Variants in SEC16B observed in about 807,000 individuals in gnomAD.
SEC16B encodes the protein protein transport protein Sec16B.
A neutral mutation model predicts 141.8 loss-of-function variants in SEC16B; 115 were observed. The ratio of observed to expected loss-of-function variants is 0.81; its 90% CI spans 0.70 to 0.95. The LOEUF (loss-of-function observed/expected upper bound fraction) is 0.95, where lower values mean the gene tolerates loss of function less well. Ranked by LOEUF, SEC16B falls within the 40% of genes least tolerant of loss-of-function variation. The probability of loss-of-function intolerance (pLI) is 0.00; values close to 1 mark genes in which losing one functional copy is unlikely to be tolerated. For synonymous variants in SEC16B, 493 were observed against 492.5 expected (o/e 1.00, Z -0.01); for missense variants, 1,291 against 1,312.3 (o/e 0.98, Z 0.25).
rs1651531658 is a variant in SEC16B at position 177,944,618 on chromosome 1, T to A, written c.1824A>T (p.Glu608Asp). 6.2e-7 allele frequency: 1 copy of A among 1,613,690 alleles called. No individual in the cohort carries two copies. The highest frequency in any genetic ancestry group is 1.1e-5 in the South Asian group (1 of 91,074). ...CCAGCATCTGACAGTACTCGAAGAT[T>A]TCCGTCCTCTGGATTGCCTCAGTTG... ...FATTEAIQRT[E>D]IFEYCQMLGR... Residue 608 changes from glutamate to aspartate, a missense_variant, in exon 15 of 26, where the codon GAA becomes GAT. By Grantham distance (45) the Glu-to-Asp change is conservative. Coordinates refer to ENST00000308284, the MANE Select transcript of SEC16B (RefSeq NM_033127.4).
At chr1:177,951,815 C>G (rs919571555) in intron 12 of SEC16B, 99 bp downstream of exon 12, 1 of 891,462 alleles carries the variant, frequency 1.1e-6, no homozygotes, top group Non-Finnish European at 1.8e-6. Context: ...ATTATCATCA[C>G]TTTTGCTCCT....
chr1:177,956,262 G>T (rs1652595347), intron 10 of SEC16B, among the ~76,000 whole-genome samples: 1 of 152,136 alleles, frequency 6.6e-6, no homozygotes, highest in Admixed American at 6.5e-5. Flanking sequence ...TATAAGGGCA[G>T]ACCTGAGTAG....
At position 177,960,827 on chromosome 1, in the gene SEC16B, G is replaced by C; in HGVS notation, c.900C>G (p.Asp300Glu). Reference protein sequence around the residue: ...LVHVGPSSPTDGQAALVELHS... With the variant: ...LVHVGPSSPTEGQAALVELHS... ...GCAGTTCAACAAGGGCTGCTTGCCCGTCAGTGGGAGAGCTGGGACCTACAT... is the reference window on the plus strand; with the variant it reads ...GCAGTTCAACAAGGGCTGCTTGCCCCTCAGTGGGAGAGCTGGGACCTACAT... Residue 300 changes from aspartate (D) to glutamate (E), a missense_variant, in exon 7 of 26, where the codon GAC becomes GAG. Physicochemically the swap from Asp to Glu is conservative, Grantham distance 45. Around this residue, in one of 3 missense-constraint regions of SEC16B, gnomAD observed 681 missense variants for 675.5 expected, o/e 1.01. Coordinates refer to ENST00000308284, the MANE Select transcript of SEC16B (RefSeq NM_033127.4). The C allele has an allele frequency of 6.2e-7, 1 of 1,611,050 alleles. No homozygotes were observed. The highest frequency in any genetic ancestry group is 1.3e-5 in the African/African-American group (1 of 74,850).
At chr1:177,965,210 G>A (rs1351271965) in intron 3 of SEC16B, 43 bp from the exon 4 acceptor site, 4 of 1,606,222 alleles carry the variant, frequency 2.5e-6, no homozygotes, top group Non-Finnish European at 3.4e-6. Context: ...GTCACTTCCT[G>A]TTTCTGAAAG....
At chr1:177,964,361 G>T in intron 4 of SEC16B, 82 bp from the exon 5 acceptor site, 1 of 953,308 alleles carries the variant, frequency 1.0e-6, no homozygotes, top group South Asian at 1.6e-5. Context: ...AAGCTGACCT[G>T]CTCCAAAGCG....
upstream of SEC16B, among the ~76,000 whole-genome samples, chr1:177,970,598 C>T (rs1653895751): frequency 6.6e-6 from 1 of 152,150 alleles, no homozygotes; most frequent in Non-Finnish European, 1.5e-5. Flanking sequence ...ATGTATATTT[C>T]TCACCATTGG....
intron 1 of SEC16B, among the ~76,000 whole-genome samples, chr1:177,979,694 A>C (rs930403842): frequency 1.3e-5 from 2 of 152,366 alleles, no homozygotes; most frequent in Middle Eastern, 6.8e-3. Context: ...GGCAATTTAC[A>C]AAAGAAAGAG....
chr1:177,968,481 T>C (rs980970563), intron 1 of SEC16B, among the ~76,000 whole-genome samples: 22 of 152,298 alleles, frequency 1.4e-4, no homozygotes, highest in African/African-American at 1.9e-4. Flanking sequence ...CTTAACTAGC[T>C]AGTTCATTTT....
At chr1:177,940,488 C>T in intron 17 of SEC16B, 122 bp downstream of exon 17, 1 of 663,850 alleles carries the variant, frequency 1.5e-6, no homozygotes, top group Non-Finnish European at 2.6e-6. Flanking sequence ...ATGGGAGAGA[C>T]CAGGGTGAGG....
chr1:177,967,530 G>A (rs191991508), intron 2 of SEC16B, among the ~76,000 whole-genome samples, 153 bp downstream of exon 2: 50 of 152,188 alleles, frequency 3.3e-4, no homozygotes, highest in African/African-American at 1.1e-3. Context: ...ACAAATTTGG[G>A]AGAGGACAGG....
In SEC16B at chr1:177,930,650, T is replaced by A. The variant is rs977125056; in HGVS notation, c.3013-7A>T. On this transcript the variant is annotated splice_polypyrimidine_tract_variant and splice_region_variant and intron_variant, in intron 24 of 25. Coordinates refer to ENST00000308284, the MANE Select transcript of SEC16B (RefSeq NM_033127.4). The stretch of plus-strand genomic sequence containing the variant: ...AGAGCTCAAAGGAAACACTCTGTGA[T>A]GGAAAAGCATGGAAAATCCCATCAG... 1 of 1,603,796 alleles carries A rather than the reference T, an allele frequency of 6.2e-7. No homozygotes were observed. The highest frequency in any genetic ancestry group is 1.7e-5 in the Admixed American group (1 of 59,720).
chr1:177,944,470 C>G, intron 15 of SEC16B, 91 bp downstream of exon 15: 1 of 934,912 alleles, frequency 1.1e-6, no homozygotes, highest in Non-Finnish European at 1.7e-6. Context: ...AACTTAGCCC[C>G]AGGTACTAAG....
Position 177,929,929 on chromosome 1 carries a change from G to A in SEC16B, c.3112C>T (p.Leu1038=), listed in dbSNP as rs757411393. The change falls in exon 26 of 26, where the codon CTG becomes TTG. Residue 1038 remains leucine, a splice_region_variant and synonymous_variant. Coordinates refer to ENST00000308284, the MANE Select transcript of SEC16B (RefSeq NM_033127.4). ...CGATTCAGGCTAGTGGCCGTGGGCA[G>A]CTGGAAAAGAAGAACAAATATTACA... is the stretch of plus-strand genomic sequence containing the variant. The part of the protein sequence containing the change: ...PLYNPSQVPQ[L]PTATSLNRPN... 2.5e-6 allele frequency: 4 copies of A among 1,613,706 alleles called. No homozygotes were observed. In the South Asian group the frequency reaches 4.4e-5, roughly 18 times the overall value.
Position 177,944,712 on chromosome 1 carries a change from G to A in SEC16B, c.1776-46C>T, listed in dbSNP as rs373402719. ...TAAAAGAGATTGAGGTGTGGGGGAC[G>A]CAGGAGTTAAATCCTAGTGGCTCTC... On this transcript the variant is annotated intron_variant, in intron 14 of 25. Transcript: ENST00000308284. The A allele has an allele frequency of 3.7e-5, 56 of 1,506,364 alleles. 1 individual carries two copies. Among genetic ancestry groups the A allele is most frequent in the African/African-American group, 2.8e-4 (20 of 72,504 alleles). The allele number at this position is 1,506,364 out of a possible 1,614,324, so 93.3% of individuals were successfully genotyped here.
In SEC16B at chr1:177,932,564, C is replaced by T; in HGVS notation, c.2938G>A (p.Gly980Ser). 1 of 1,557,994 alleles carries T rather than the reference C, an allele frequency of 6.4e-7. No homozygotes were observed. Among genetic ancestry groups the T allele is most frequent in the Non-Finnish European group, 8.7e-7 (1 of 1,152,102 alleles). Residue 980 changes from glycine (G) to serine (S), a missense_variant, in exon 24 of 26, where the codon GGT (glycine) becomes AGT (serine). Gly to Ser is a moderately conservative substitution (Grantham distance 56). Coordinates refer to ENST00000308284, the MANE Select transcript of SEC16B (RefSeq NM_033127.4). Reference protein sequence around the residue: ...VSAFSRGRGGGEGRGSASSGG... With the variant: ...VSAFSRGRGGSEGRGSASSGG... ...CTGGATGCGGATCCTCGGCCTTCAC[C>T]CCCACCTGGAAAGTAATGAGGCAGA...
chr1:177,961,626 G>T lies in SEC16B; in HGVS notation c.751C>A (p.Pro251Thr), dbSNP rs969252944. 7.4e-6 allele frequency: 12 copies of T among 1,613,822 alleles called. No individual in the cohort carries two copies. The highest frequency in any genetic ancestry group is 7.6e-6 in the Non-Finnish European group (9 of 1,179,822). The change falls in exon 6 of 26, where the codon CCC (proline) becomes ACC (threonine). Residue 251 changes from proline to threonine, a missense_variant. Pro to Thr is a conservative substitution (Grantham distance 38). Around this residue, in one of 3 missense-constraint regions of SEC16B, gnomAD observed 681 missense variants for 675.5 expected, o/e 1.01. Transcript: ENST00000308284. ...YIRDAPERDD[P>T]PASAAWSPVQ... ...GGACTCCAAGCTGCTGAAGCTGGGGGATCATCCCGCTCCGGGGCATCTCTG... is the reference window on the plus strand; with the variant it reads ...GGACTCCAAGCTGCTGAAGCTGGGGTATCATCCCGCTCCGGGGCATCTCTG...
At chr1:177,937,669 C>T (rs1248576121) in intron 18 of SEC16B, among the ~76,000 whole-genome samples, 156 bp from the exon 19 acceptor site, 1 of 152,164 alleles carries the variant, frequency 6.6e-6, no homozygotes, top group African/African-American at 2.4e-5. Flanking sequence ...ACAAGTAAAA[C>T]ACAGTGATTG....
rs780596349 is a variant in SEC16B at position 177,958,197 on chromosome 1, T to G, written c.1300A>C (p.Ser434Arg). Residue 434 changes from serine to arginine, a missense_variant, in exon 10 of 26, where the codon AGT becomes CGT. This residue lies in a region of SEC16B where 681 missense variants were observed against 675.5 expected (regional missense o/e 1.01). Coordinates refer to ENST00000308284, the MANE Select transcript of SEC16B (RefSeq NM_033127.4). ...ACGATCTGCGCAGGTGTCTCCACACTGGGGGGGATCTCTCCCGTGAGCAGG... is the reference window on the plus strand; with the variant it reads ...ACGATCTGCGCAGGTGTCTCCACACGGGGGGGGATCTCTCCCGTGAGCAGG... ...PNLLTGEIPP[S>R]VETPAQIVEK... 41 of 1,596,392 alleles carry G rather than the reference T, an allele frequency of 2.6e-5. No homozygotes were observed. The highest frequency in any genetic ancestry group is 3.0e-5 in the Non-Finnish European group (35 of 1,170,846).
chr1:177,929,998 C>G (rs1252508876), intron 25 of SEC16B, 69 bp from the exon 26 acceptor site: 2 of 1,512,002 alleles, frequency 1.3e-6, no homozygotes, highest in Non-Finnish European at 1.8e-6. Context: ...GTTGATTGGA[C>G]AGATGGAGCT....
Sources: gnomAD v4.1 joint callset for allele counts (sites outside exome capture counted in the v4.1 genomes callset) on GRCh38, gnomAD v4.1.1 for gene constraint, gnomAD v4.1.1 regional missense constraint, MANE v1.5 for transcripts, NCBI Gene and HGNC (gene_info 2026-07-23, HGNC 2026-07-21) for gene names.